The following DIAPH3 variants were observed in gnomAD, a reference collection of about 807,000 sequenced individuals.
DIAPH3 encodes protein diaphanous homolog 3.
In DIAPH3, 117 loss-of-function variants were observed where a neutral mutation model predicts 144.3. That is an observed-to-expected ratio of 0.81 (90% CI 0.70 to 0.95). The LOEUF is 0.95. Ranked by LOEUF, DIAPH3 falls within the 40% of genes least tolerant of loss-of-function variation. The probability of loss-of-function intolerance (pLI) is 0.00; values close to 1 mark genes in which losing one functional copy is unlikely to be tolerated. For synonymous variants in DIAPH3, 519 were observed against 488.9 expected, an observed-to-expected ratio of 1.06 and a Z score of -0.81; for missense variants, 1,421 against 1,412.7, an observed-to-expected ratio of 1.01 and a Z score of -0.09.
intron 27 of DIAPH3, among the ~76,000 whole-genome samples, chr13:59,738,899 C>T (rs2036297454): frequency 6.6e-6 from 1 of 152,174 alleles, no homozygotes; most frequent in Non-Finnish European, 1.5e-5. Context: ...CATCATCTGT[C>T]CATAAAAACT....
At chr13:60,039,142 A>T (rs2055447538) in intron 5 of DIAPH3, among the ~76,000 whole-genome samples, 1 of 152,020 alleles carries the variant, frequency 6.6e-6, no homozygotes, top group African/African-American at 2.4e-5. Context: ...AGTATTTAGC[A>T]TACTGATTTT....
At chr13:60,142,538 C>T (rs181399103) in intron 1 of DIAPH3, among the ~76,000 whole-genome samples, 2 of 152,212 alleles carry the variant, frequency 1.3e-5, no homozygotes, top group Admixed American at 6.5e-5. Flanking sequence ...GAAGTTTGAG[C>T]GCCAACCCTA....
chr13:59,713,699 C>T (rs1305709443), intron 27 of DIAPH3, among the ~76,000 whole-genome samples: 1 of 152,074 alleles, frequency 6.6e-6, no homozygotes, highest in Non-Finnish European at 1.5e-5. Context: ...GGCCACGTAA[C>T]CTAGTTCTGG....
intron 27 of DIAPH3, among the ~76,000 whole-genome samples, chr13:59,718,785 G>C (rs2035192933): frequency 6.6e-6 from 1 of 151,874 alleles, no homozygotes; most frequent in African/African-American, 2.4e-5. Flanking sequence ...ATTCCAAGAA[G>C]GTAATATTTT....
At chr13:59,844,731 G>A (rs868348600) in intron 22 of DIAPH3, among the ~76,000 whole-genome samples, 12 of 152,266 alleles carry the variant, frequency 7.9e-5, no homozygotes, top group Non-Finnish European at 1.3e-4. Flanking sequence ...GAGCTAGCTA[G>A]ACAATTTTGA....
At chr13:60,040,532 T>C (rs184783896) in intron 5 of DIAPH3, among the ~76,000 whole-genome samples, 5 of 152,178 alleles carry the variant, frequency 3.3e-5, no homozygotes, top group Admixed American at 2.0e-4. Flanking sequence ...TGAATTCATA[T>C]ATAAAAACCT....
chr13:60,092,033 G>T (rs532278335), intron 4 of DIAPH3, among the ~76,000 whole-genome samples: 2 of 151,930 alleles, frequency 1.3e-5, no homozygotes, highest in Admixed American at 6.6e-5. Context: ...TTGAGACAAA[G>T]TCTCACTATG....
chr13:59,877,046 T>G (rs1754168315), intron 21 of DIAPH3, among the ~76,000 whole-genome samples: 1 of 152,130 alleles, frequency 6.6e-6, no homozygotes, highest in Non-Finnish European at 1.5e-5. Context: ...TGCCGTTACC[T>G]TAGCTTGGAA....
chr13:59,769,113 T>C (rs754736858), intron 27 of DIAPH3, among the ~76,000 whole-genome samples: 8 of 152,128 alleles, frequency 5.3e-5, no homozygotes, highest in Non-Finnish European at 1.0e-4. Flanking sequence ...AGATGCAGCA[T>C]AAGGTGTGGT....
intron 17 of DIAPH3, among the ~76,000 whole-genome samples, chr13:59,951,746 A>G (rs1242518136): frequency 6.6e-6 from 1 of 152,154 alleles, no homozygotes; most frequent in African/African-American, 2.4e-5. Flanking sequence ...ATCAACACCT[A>G]TAAAAAATTA....
intron 13 of DIAPH3, among the ~76,000 whole-genome samples, chr13:59,981,627 CAT>C (rs913591882): frequency 7.9e-5 from 12 of 151,090 alleles, no homozygotes; most frequent in South Asian, 2.1e-4. Context: ...ATGGATTTCC[CAT>C]ATGTTATCCC....
At chr13:59,852,234 G>A (rs2043018092) in intron 22 of DIAPH3, among the ~76,000 whole-genome samples, 1 of 152,110 alleles carries the variant, frequency 6.6e-6, no homozygotes, top group South Asian at 2.1e-4. Flanking sequence ...TCTTCTGAGG[G>A]GAGAAAGGAC....
intron 25 of DIAPH3, among the ~76,000 whole-genome samples, chr13:59,800,930 AAAT>A (rs1245022874): frequency 2.0e-5 from 3 of 152,204 alleles, no homozygotes; most frequent in Non-Finnish European, 4.4e-5. Flanking sequence ...TGCGTTCAAG[AAAT>A]AATGAGTGAC....
intron 12 of DIAPH3, among the ~76,000 whole-genome samples, chr13:59,988,577 A>G (rs2051590269): frequency 6.6e-6 from 1 of 151,884 alleles, no homozygotes; most frequent in African/African-American, 2.4e-5. Context: ...ACATTTCTGG[A>G]TTCCAGAAAT....
chr13:59,846,988 A>G (rs2139821655), intron 22 of DIAPH3, among the ~76,000 whole-genome samples: 1 of 152,276 alleles, frequency 6.6e-6, no homozygotes, highest in East Asian at 1.9e-4. Flanking sequence ...CTGAGGCAGG[A>G]AGATAGCTTG....
chr13:59,950,247 G>A (rs1449299706), intron 17 of DIAPH3, among the ~76,000 whole-genome samples: 1 of 152,018 alleles, frequency 6.6e-6, no homozygotes, highest in Non-Finnish European at 1.5e-5. Flanking sequence ...CAGTGACATT[G>A]TCCCATATAT....
chr13:59,724,471 C>G (rs958321274), intron 27 of DIAPH3, among the ~76,000 whole-genome samples: 2 of 152,038 alleles, frequency 1.3e-5, no homozygotes, highest in Non-Finnish European at 2.9e-5. Context: ...GCCTTACTCT[C>G]GGTATTTCTT....
At chr13:60,050,973 T>C (rs912487186) in intron 4 of DIAPH3, among the ~76,000 whole-genome samples, 1 of 152,132 alleles carries the variant, frequency 6.6e-6, no homozygotes, top group African/African-American at 2.4e-5. Flanking sequence ...GTAGTTTAGA[T>C]ATAAGAATGA....
intron 4 of DIAPH3, among the ~76,000 whole-genome samples, chr13:60,054,979 A>G (rs958195080): frequency 3.3e-5 from 5 of 151,980 alleles, no homozygotes; most frequent in Admixed American, 6.6e-5. Flanking sequence ...AGAAAGGTGC[A>G]TTCACCAACA....
Sources: allele counts gnomAD v4.1 joint callset (sites outside exome capture counted in the v4.1 genomes callset), GRCh38; gene constraint gnomAD v4.1.1; transcripts MANE v1.5; gene names NCBI Gene and HGNC (gene_info 2026-07-23, HGNC 2026-07-21).